Variants in RYR3 observed in about 807,000 individuals in gnomAD.
The protein encoded by RYR3 is ryanodine receptor 3, also known as brain ryanodine receptor-calcium release channel.
Under a neutral mutation model 584.3 loss-of-function variants are expected in RYR3, and 207 were observed. That is an observed-to-expected ratio of 0.35 (90% confidence interval 0.32 to 0.40). RYR3 has a LOEUF of 0.40. RYR3 is among the 10% of genes least tolerant of loss of function. The pLI, the probability that RYR3 is intolerant of heterozygous loss-of-function variation, is 1.00. For synonymous variants in RYR3, 2,416 were observed against 2,248.5 expected, an observed-to-expected ratio of 1.07 and a Z score of -2.11; for missense variants, 5,616 against 6,089.2, an observed-to-expected ratio of 0.92 and a Z score of 2.59.
intron 3 of RYR3, among the ~76,000 whole-genome samples, chr15:33,516,047 T>A (rs1186568768): frequency 6.6e-6 from 1 of 152,142 alleles, no homozygotes. Flanking sequence ...TAAGATAAAA[T>A]TCTAACAAAA....
intron 1 of RYR3, among the ~76,000 whole-genome samples, chr15:33,336,501 A>AGGGAAGGAGGGAAGGAGG (rs1434386520): frequency 5.2e-5 from 1 of 19,118 alleles, no homozygotes; most frequent in African/African-American, 2.9e-4. Context: ...AAAGAAAGAA[A>AGGGAAGGAGGGAAGGAGG]GAAGGAGGGA....
At position 33,842,696 on chromosome 15, in the gene RYR3, C is replaced by G. The variant is rs545636314; in HGVS notation, c.13209+661C>G. Among the ~76,000 whole-genome samples the G allele has an allele frequency of 2.0e-4, 31 of 152,274 alleles. 1 individual carries two copies. In the South Asian group the frequency reaches 6.2e-3, roughly 31 times the overall value. ...GTTCCCAACAAGGGAGAAGAAGAGGCTCCTGGAACTGTAACTTGGAAAGGA... is the reference window on the plus strand; with the variant it reads ...GTTCCCAACAAGGGAGAAGAAGAGGGTCCTGGAACTGTAACTTGGAAAGGA... On this transcript the variant is annotated intron_variant, in intron 91 of 103. Coordinates refer to ENST00000634891, the MANE Select transcript of RYR3 (RefSeq NM_001036.6).
intron 27 of RYR3, among the ~76,000 whole-genome samples, chr15:33,638,273 C>T (rs2061608872): frequency 6.6e-6 from 1 of 152,212 alleles, no homozygotes; most frequent in Non-Finnish European, 1.5e-5. Context: ...GACATCAGGG[C>T]AGTGTACAAG....
chr15:33,712,782 A>G (rs2067216214), intron 43 of RYR3, among the ~76,000 whole-genome samples: 1 of 152,206 alleles, frequency 6.6e-6, no homozygotes, highest in African/African-American at 2.4e-5. Context: ...TTGGGTTCAA[A>G]TTTGGCTCTA....
chr15:33,745,450 A>C (rs921505741), intron 52 of RYR3, among the ~76,000 whole-genome samples: 2 of 152,114 alleles, frequency 1.3e-5, no homozygotes, highest in Non-Finnish European at 2.9e-5. Flanking sequence ...AGGAGCAGAG[A>C]TTGAGAAAGA....
intron 27 of RYR3, among the ~76,000 whole-genome samples, chr15:33,640,622 C>G (rs79712835): frequency 5.3e-5 from 8 of 152,130 alleles, no homozygotes; most frequent in Admixed American, 4.6e-4. Flanking sequence ...TAAGATTACC[C>G]CCCTGCTCTC....
intron 3 of RYR3, among the ~76,000 whole-genome samples, chr15:33,513,437 G>A (rs1306404467): frequency 6.6e-6 from 1 of 152,186 alleles, no homozygotes; most frequent in Non-Finnish European, 1.5e-5. Flanking sequence ...AATGGAAGGA[G>A]CTAAAATGAT....
chr15:33,649,383 C>T (rs949516142), intron 31 of RYR3, 148 bp downstream of exon 31: 3 of 725,204 alleles, frequency 4.1e-6, no homozygotes, highest in Non-Finnish European at 4.5e-6. Flanking sequence ...AGAAACAAAC[C>T]GGTACTATGA....
At chr15:33,741,775 G>A (rs147510246) in intron 51 of RYR3, among the ~76,000 whole-genome samples, 29,995 of 151,844 alleles carry the variant, frequency 0.2, 3,113 homozygotes, top group African/African-American at 0.27. Flanking sequence ...CACTACGCCC[G>A]GCTAATTTTT....
intron 3 of RYR3, among the ~76,000 whole-genome samples, chr15:33,521,375 A>T (rs17817256): frequency 0.026 from 3,914 of 152,226 alleles, 63 homozygotes; most frequent in Non-Finnish European, 0.041. Flanking sequence ...TCCATGTGGC[A>T]GTGAAACTAA....
At chr15:33,375,489 G>A (rs1257689712) in intron 1 of RYR3, among the ~76,000 whole-genome samples, 2 of 152,154 alleles carry the variant, frequency 1.3e-5, no homozygotes, top group East Asian at 1.9e-4. Flanking sequence ...AAATAGAGAA[G>A]CTGAGTTCTG....
At position 33,701,074 on chromosome 15, in the gene RYR3, C is replaced by T. The variant is rs745314071; in HGVS notation, c.6477C>T (p.Leu2159=). Residue 2159 remains leucine, a synonymous_variant, in exon 42 of 104, where the codon CTC becomes CTT. Coordinates refer to ENST00000634891, the MANE Select transcript of RYR3 (RefSeq NM_001036.6). ...CGCTGAGCTTAGAGGAACCAGACCTCGAGAAGGTAACCGGCCCTTGGGGTG... is the reference window on the plus strand; with the variant it reads ...CGCTGAGCTTAGAGGAACCAGACCTTGAGAAGGTAACCGGCCCTTGGGGTG... ...ELALSLEEPD[L]EKVVTYLAGC... is the part of the protein sequence containing the mutation. 9.9e-6 allele frequency: 16 copies of T among 1,610,562 alleles called. No homozygotes were observed. The highest frequency in any genetic ancestry group is 5.0e-5 in the Admixed American group (3 of 59,808).
At chr15:33,581,364 C>A in intron 13 of RYR3, 144 bp from the exon 14 acceptor site, 2 of 797,532 alleles carry the variant, frequency 2.5e-6, no homozygotes, top group Non-Finnish European at 3.9e-6. Context: ...GGAAAAAAAA[C>A]AAACCCAACT....
Position 33,709,232 on chromosome 15 carries a change from C to A in RYR3, c.6619+2178C>A, listed in dbSNP as rs181623860. Among the ~76,000 whole-genome samples the A allele has an allele frequency of 5.3e-5, 8 of 152,130 alleles. No homozygotes were observed. The East Asian group carries it at 1.4e-3, about 26-fold the overall frequency. On this transcript the variant is annotated intron_variant, in intron 43 of 103. Coordinates refer to ENST00000634891, the MANE Select transcript of RYR3 (RefSeq NM_001036.6). ...GAGCAGACATGGACAGAGATCACTA[C>A]AATAAAAGTAAGTGGAGTAAGGCAG...
intron 2 of RYR3, among the ~76,000 whole-genome samples, chr15:33,481,108 C>T (rs943476107): frequency 2.0e-5 from 3 of 152,168 alleles, no homozygotes; most frequent in Non-Finnish European, 2.9e-5. Flanking sequence ...TGCTTTGACT[C>T]ATGCTAGTGT....
intron 16 of RYR3, among the ~76,000 whole-genome samples, chr15:33,594,639 C>T (rs1332202156): frequency 6.6e-6 from 1 of 152,172 alleles, no homozygotes; most frequent in Non-Finnish European, 1.5e-5. Flanking sequence ...ATTCCAATGT[C>T]ACAATTTCCA....
chr15:33,515,154 A>G (rs1347887729), intron 3 of RYR3, among the ~76,000 whole-genome samples: 4 of 152,250 alleles, frequency 2.6e-5, no homozygotes, highest in African/African-American at 7.2e-5. Flanking sequence ...GATGGGTACA[A>G]ATAACTGAGC....
chr15:33,588,301 A>G (rs1415250510), intron 16 of RYR3, among the ~76,000 whole-genome samples: 8 of 152,184 alleles, frequency 5.3e-5, no homozygotes, highest in Non-Finnish European at 1.2e-4. Context: ...CAGAAGTTGA[A>G]TATTCTTTCC....
At chr15:33,577,784 A>G (rs142633830) in intron 12 of RYR3, among the ~76,000 whole-genome samples, 12,038 of 152,266 alleles carry the variant, frequency 0.079, 497 homozygotes, top group Middle Eastern at 0.13. Context: ...CAATTAAACT[A>G]AAGAGCTTCT....
Sources: allele counts gnomAD v4.1 joint callset (sites outside exome capture counted in the v4.1 genomes callset), GRCh38; gene constraint gnomAD v4.1.1; transcripts MANE v1.5; gene names NCBI Gene and HGNC (gene_info 2026-07-23, HGNC 2026-07-21).